CROCC: variants seen among roughly 807,000 people sequenced by gnomAD.
CROCC encodes ciliary rootlet coiled-coil, rootletin, also known as rootletin.
CROCC carries 180 observed loss-of-function variants against 245.2 expected under a neutral mutation model. That is an observed-to-expected ratio of 0.73 (90% CI 0.65 to 0.83). The LOEUF (loss-of-function observed/expected upper bound fraction) is 0.83, where lower values mean the gene tolerates loss of function less well. Ranked by LOEUF, CROCC falls within the 40% of genes least tolerant of loss-of-function variation. The pLI is 0.00. For synonymous variants in CROCC, 1,205 were observed against 1,241.6 expected, an observed-to-expected ratio of 0.97 and a Z score of 0.62; for missense variants, 2,688 against 2,779.4, an observed-to-expected ratio of 0.97 and a Z score of 0.74.
chr1:16,964,647 T>C (rs768188504), intron 27 of CROCC, among the ~76,000 whole-genome samples: 5 of 152,076 alleles, frequency 3.3e-5, no homozygotes, highest in Non-Finnish European at 7.4e-5. Flanking sequence ...CATCCCAAAG[T>C]GCTGGGATTA....
At position 16,954,396 on chromosome 1, in the gene CROCC, G is replaced by A. The variant is rs759114634; in HGVS notation, c.3321+39G>A. 63 of 1,589,498 alleles carry A rather than the reference G, an allele frequency of 4.0e-5. No homozygotes were observed. The highest frequency in any genetic ancestry group is 5.1e-5 in the Non-Finnish European group (60 of 1,165,360). On this transcript the variant is annotated intron_variant, in intron 22 of 36. Transcript: ENST00000375541. This position sits in a 1 kb window ranked among gnomAD's most constrained non-coding sequence, Gnocchi z 4.4. ...GGCAGCTGGGCCTCTGTCTCATAGA[G>A]AGGCACATCCCTGGCTGAGGAGCCC...
intron 27 of CROCC, among the ~76,000 whole-genome samples, chr1:16,962,367 A>C (rs1184027732): frequency 6.6e-6 from 1 of 150,770 alleles, no homozygotes; most frequent in African/African-American, 2.4e-5. Context: ...CCCCGTCTCT[A>C]CTAAAAATAC....
At chr1:16,965,388 T>C (rs1335335884) in intron 27 of CROCC, among the ~76,000 whole-genome samples, 1 of 152,136 alleles carries the variant, frequency 6.6e-6, no homozygotes, top group Non-Finnish European at 1.5e-5. Context: ...ATGAGCTCAC[T>C]GTAATCCAGC....
At chr1:16,937,082 T>C (rs1188700713) in intron 9 of CROCC, among the ~76,000 whole-genome samples, 1 of 152,394 alleles carries the variant, frequency 6.6e-6, no homozygotes, top group Non-Finnish European at 1.5e-5. Flanking sequence ...TGGCCGGGTG[T>C]GGTGGCTCAC....
intron 19 of CROCC, among the ~76,000 whole-genome samples, chr1:16,949,801 C>T (rs989199321): frequency 6.6e-6 from 1 of 152,252 alleles, no homozygotes. Context: ...CAGAGTTTCA[C>T]TCTTGTTGCC....
At chr1:16,961,638 C>T (rs754745414) in intron 27 of CROCC, among the ~76,000 whole-genome samples, 23 of 152,168 alleles carry the variant, frequency 1.5e-4, no homozygotes, top group Non-Finnish European at 2.9e-4. Context: ...GGATCTCACT[C>T]TGTCACCTCA....
rs376986874 is a variant in CROCC, at chr1:16,938,953, T to C, written c.1419T>C (p.Ser473=). ...DSESGVQLSG[S]ERTADASNGS... ...AGAGCGGCGTCCAGCTGAGCGGCTC[T>C]GAGCGCACCGCGGATGCTTCCAACG... is the stretch of plus-strand genomic sequence containing the variant. Residue 473 remains serine, a synonymous_variant, in exon 12 of 37, where the codon TCT becomes TCC. Coordinates refer to ENST00000375541, the MANE Select transcript of CROCC (RefSeq NM_014675.5). 1.2e-6 allele frequency: 2 copies of C among 1,605,178 alleles called. No homozygotes were observed. Among genetic ancestry groups the C allele is most frequent in the Admixed American group, 3.5e-5 (2 of 57,266 alleles).
intron 3 of CROCC, among the ~76,000 whole-genome samples, chr1:16,927,355 C>T (rs536634408): frequency 8.3e-4 from 127 of 152,340 alleles, no homozygotes; most frequent in Admixed American, 8.3e-3. Flanking sequence ...GCATACAGTT[C>T]AACACAGCCA....
chr1:16,954,723 C>A lies in CROCC; in HGVS notation c.3322-11C>A. ...CAGCAGGACCAAGTCTGAGGAGCCC[C>A]TCTGTCCCAGAGCACCGTGAACGCT... On this transcript the variant is annotated splice_polypyrimidine_tract_variant and intron_variant, in intron 22 of 36. Transcript: ENST00000375541. The surrounding 1 kb of genome is among the most constrained non-coding windows in gnomAD (Gnocchi z 4.4). 1.3e-6 allele frequency: 2 copies of A among 1,545,378 alleles called. No homozygotes were observed. Among genetic ancestry groups the A allele is most frequent in the Non-Finnish European group, 1.7e-6 (2 of 1,143,544 alleles).
chr1:16,967,984 TG>T (rs1206128037), intron 30 of CROCC, among the ~76,000 whole-genome samples: 2 of 152,106 alleles, frequency 1.3e-5, no homozygotes, highest in African/African-American at 4.8e-5. Context: ...CCCATTGGCC[TG>T]GGCTAAAACT....
intron 8 of CROCC, among the ~76,000 whole-genome samples, chr1:16,935,560 A>G (rs1334965331): frequency 1.3e-5 from 2 of 152,270 alleles, no homozygotes; most frequent in African/African-American, 4.8e-5. Context: ...AGCTGGGACT[A>G]CAGGCGCCTG....
chr1:16,924,558 C>T (rs1376371538), intron 3 of CROCC, 79 bp downstream of exon 3: 30 of 1,547,520 alleles, frequency 1.9e-5, no homozygotes, highest in Non-Finnish European at 2.5e-5. Context: ...CAGGCCCACA[C>T]ACGGGGCAAA....
In CROCC at chr1:16,939,162, T is replaced by C; in HGVS notation, c.1608+20T>C. ...GTCCAGGTAGGAAGGGGCTTGAGCG[T>C]TCTGGGCGCAGCCAGAGGCCTGGGG... On this transcript the variant is annotated intron_variant, in intron 12 of 36. Coordinates refer to ENST00000375541, the MANE Select transcript of CROCC (RefSeq NM_014675.5). 1 of 1,387,768 alleles carries C rather than the reference T, an allele frequency of 7.2e-7. No homozygotes were observed. 86.0% of individuals were successfully genotyped at this position (1,387,768 alleles called of 1,614,324 possible).
chr1:16,929,337 C>G (rs1391186835), intron 3 of CROCC, among the ~76,000 whole-genome samples: 1 of 152,264 alleles, frequency 6.6e-6, no homozygotes, highest in African/African-American at 2.4e-5. Flanking sequence ...ATGAGCTCAT[C>G]CCATTAATTC....
At chr1:16,963,188 A>G (rs1361753191) in intron 27 of CROCC, among the ~76,000 whole-genome samples, 1 of 150,256 alleles carries the variant, frequency 6.7e-6, no homozygotes, top group Admixed American at 6.6e-5. Flanking sequence ...CGTCTCAGAA[A>G]AAAAAAAAAA....
At chr1:16,964,382 CTCTTCTTTCT>C (rs575289358) in intron 27 of CROCC, among the ~76,000 whole-genome samples, 2 of 143,880 alleles carry the variant, frequency 1.4e-5, no homozygotes, top group South Asian at 4.5e-4. Context: ...CTTTTCTTTC[CTCTTCTTTCT>C]TCTTTTTTTT....
chr1:16,965,423 G>A (rs563083751), intron 27 of CROCC, among the ~76,000 whole-genome samples: 2 of 152,336 alleles, frequency 1.3e-5, no homozygotes, highest in Admixed American at 1.3e-4. Flanking sequence ...GCCTCTGAGG[G>A]AGAGGGATGG....
At position 16,946,895 on chromosome 1, in the gene CROCC, C is replaced by T. The variant is rs2076060907; in HGVS notation, c.2418C>T (p.Gly806=). Residue 806 remains glycine (G), a synonymous_variant, in exon 17 of 37, where the codon GGC becomes GGT. Coordinates refer to ENST00000375541, the MANE Select transcript of CROCC (RefSeq NM_014675.5). ...AGGTGGCGCGGCAGGGCCTGGAGGG[C>T]TCCCTACGAGTGGCGGAGCAGGCCC... ...EQEVARQGLE[G]SLRVAEQAQE... 1.9e-6 allele frequency: 3 copies of T among 1,564,960 alleles called. No individual in the cohort carries two copies. Among genetic ancestry groups the T allele is most frequent in the Middle Eastern group, 1.7e-4 (1 of 5,974 alleles).
At chr1:16,942,171 T>C (rs1306898874) in intron 13 of CROCC, among the ~76,000 whole-genome samples, 1 of 152,248 alleles carries the variant, frequency 6.6e-6, no homozygotes, top group African/African-American at 2.4e-5. Flanking sequence ...CCACCACGCC[T>C]GCCTAATTTT....
Sources: gnomAD v4.1 joint callset for allele counts (sites outside exome capture counted in the v4.1 genomes callset) on GRCh38, gnomAD v4.1.1 for gene constraint, Gnocchi (gnomAD v3.1) non-coding constraint, MANE v1.5 for transcripts, NCBI Gene and HGNC (gene_info 2026-07-23, HGNC 2026-07-21) for gene names.